TLL1: variants seen among roughly 807,000 people sequenced by gnomAD.
The protein encoded by TLL1 is tolloid-like protein 1.
In TLL1, 49 loss-of-function variants were observed where a neutral mutation model predicts 128.2. The ratio of observed to expected loss-of-function variants is 0.38; its 90% CI spans 0.30 to 0.48. The LOEUF is 0.48. Ranked by LOEUF, TLL1 falls within the 20% of genes least tolerant of loss-of-function variation. TLL1 has a pLI of 0.96. For synonymous variants in TLL1, 454 were observed against 418.8 expected (o/e 1.08, Z -1.03); for missense variants, 1,123 against 1,242.0 (o/e 0.90, Z 1.44).
chr4:165,875,377 G>A (rs767094698), intron 1 of TLL1, among the ~76,000 whole-genome samples: 2 of 152,132 alleles, frequency 1.3e-5, no homozygotes, highest in African/African-American at 4.8e-5. Flanking sequence ...GACAAAAAGG[G>A]TATGTGTGTT....
chr4:165,896,745 A>G (rs1022223989), intron 1 of TLL1, among the ~76,000 whole-genome samples: 2 of 152,070 alleles, frequency 1.3e-5, no homozygotes, highest in Non-Finnish European at 2.9e-5. Context: ...GGCATCCCCA[A>G]GTGCTGGCAT....
chr4:165,885,631 T>C (rs1229902114), intron 1 of TLL1, among the ~76,000 whole-genome samples: 2 of 152,062 alleles, frequency 1.3e-5, no homozygotes, highest in Admixed American at 6.6e-5. Context: ...TAGCAAGGTA[T>C]GTGAGAATAG....
chr4:165,895,787 C>T (rs1368314118), intron 1 of TLL1, among the ~76,000 whole-genome samples: 1 of 151,824 alleles, frequency 6.6e-6, no homozygotes, highest in Non-Finnish European at 1.5e-5. Flanking sequence ...TTTACAGCTA[C>T]AGTACTCAAG....
chr4:166,057,437 C>T, intron 14 of TLL1, 128 bp downstream of exon 14: 3 of 1,364,466 alleles, frequency 2.2e-6, no homozygotes, highest in South Asian at 2.5e-5. Flanking sequence ...ATTAGTAAGA[C>T]TCAATTCACA....
chr4:166,008,407 G>A (rs992748103), intron 7 of TLL1, among the ~76,000 whole-genome samples: 1 of 151,384 alleles, frequency 6.6e-6, no homozygotes, highest in Admixed American at 6.6e-5. Flanking sequence ...ATGAAAATTG[G>A]ATATTTATAA....
rs953558446 is a variant in TLL1 at position 165,986,834 on chromosome 4, T to C, written c.170-2547T>C. ...TTACAAGAAAATAAAATCTGAAACA[T>C]ATTTGAATTTTATTTTATGTGTACT... On this transcript the variant is annotated intron_variant, in intron 1 of 20. Transcript: ENST00000061240. 3.9e-5 allele frequency among the ~76,000 whole-genome samples: 6 copies of C among 152,000 alleles called. No individual in the cohort carries two copies. In the East Asian group the frequency reaches 1.2e-3, roughly 29 times the overall value.
At chr4:166,067,749 G>A (rs1344153628) in intron 16 of TLL1, among the ~76,000 whole-genome samples, 1 of 151,682 alleles carries the variant, frequency 6.6e-6, no homozygotes, top group African/African-American at 2.4e-5. Flanking sequence ...TGGAGTATAA[G>A]CAGTTAACTA....
chr4:165,976,338 G>T (rs13129357), intron 1 of TLL1, among the ~76,000 whole-genome samples: 17,244 of 152,144 alleles, frequency 0.11, 1,139 homozygotes, highest in Non-Finnish European at 0.16. Context: ...GTTAATATTT[G>T]TTAAAGAAAT....
chr4:166,090,203 A>G (rs1741695700), intron 18 of TLL1, among the ~76,000 whole-genome samples: 1 of 23,886 alleles, frequency 4.2e-5, no homozygotes. Flanking sequence ...GTTTTCTTCT[A>G]TAGACTTAAG....
intron 1 of TLL1, among the ~76,000 whole-genome samples, chr4:165,911,552 C>G (rs141886274): frequency 1.6e-4 from 24 of 152,194 alleles, no homozygotes; most frequent in African/African-American, 5.8e-4. Context: ...TAAACGACTT[C>G]CTTGATATAG....
chr4:165,965,504 T>G (rs1735323548), intron 1 of TLL1, among the ~76,000 whole-genome samples: 1 of 152,194 alleles, frequency 6.6e-6, no homozygotes, highest in South Asian at 2.1e-4. Context: ...TAGCACAGTA[T>G]TTTTAATAAG....
At chr4:166,050,191 A>G (rs1182160891) in intron 12 of TLL1, among the ~76,000 whole-genome samples, 2 of 152,128 alleles carry the variant, frequency 1.3e-5, no homozygotes, top group Admixed American at 1.3e-4. Context: ...CATCACACAA[A>G]AACACCCTAT....
At chr4:166,075,079 G>A in intron 17 of TLL1, 76 bp downstream of exon 17, 1 of 1,586,870 alleles carries the variant, frequency 6.3e-7, no homozygotes, top group Non-Finnish European at 8.6e-7. Flanking sequence ...CTTCCAAGTA[G>A]AGTTAATCAT....
At chr4:165,901,742 C>A (rs1008956165) in intron 1 of TLL1, among the ~76,000 whole-genome samples, 14 of 152,168 alleles carry the variant, frequency 9.2e-5, no homozygotes, top group Non-Finnish European at 1.6e-4. Context: ...CTTGAGGAGG[C>A]AGTCTGTTCC....
intron 1 of TLL1, among the ~76,000 whole-genome samples, chr4:165,955,269 C>A (rs1417919705): frequency 6.6e-6 from 1 of 151,676 alleles, no homozygotes; most frequent in African/African-American, 2.4e-5. Flanking sequence ...ATAAAATGAA[C>A]AAAATCTCCA....
Position 166,103,185 on chromosome 4 carries a change from T to C in TLL1, c.*2309T>C, listed in dbSNP as rs1354044787. On this transcript the variant is annotated 3_prime_UTR_variant, in exon 21 of 21. Transcript: ENST00000061240. ...GCCTCTGCTTGTTCTACAAAGGTAG[T>C]AGAATCAATCTCGACCTATATAAAT... The C allele has an allele frequency of 1.3e-5, 2 of 152,010 alleles. No homozygotes were observed. Among genetic ancestry groups the C allele is most frequent in the East Asian group, 1.9e-4 (1 of 5,154 alleles). The allele number at this position is 152,010 out of a possible 1,614,324, so 9.4% of individuals were successfully genotyped here. A position where few individuals can be genotyped will look rare whatever the true frequency, so the allele number is the denominator to read the frequency against.
chr4:165,906,192 T>C (rs1052401867), intron 1 of TLL1, among the ~76,000 whole-genome samples: 1 of 152,242 alleles, frequency 6.6e-6, no homozygotes, highest in Non-Finnish European at 1.5e-5. Flanking sequence ...TGTGAGCCTC[T>C]AGAAAGCCTG....
At chr4:166,009,409 A>T (rs1489125564) in intron 7 of TLL1, among the ~76,000 whole-genome samples, 1 of 151,488 alleles carries the variant, frequency 6.6e-6, no homozygotes, top group East Asian at 1.9e-4. Context: ...TTCACAGATG[A>T]TAAATCTTTA....
chr4:165,873,674 C>G lies in TLL1; in HGVS notation c.-231C>G, dbSNP rs2110794255. On this transcript the variant is annotated 5_prime_UTR_variant, in exon 1 of 21. Transcript: ENST00000061240. ...AGTTCCTTACCTGCCCTCCGCCCAC[C>G]CGTGGGCCCCTAGCCAACTTCTCCC... is the stretch of plus-strand genomic sequence containing the variant. 1 of 526,260 alleles carries G rather than the reference C, an allele frequency of 1.9e-6. No individual in the cohort carries two copies. The highest frequency in any genetic ancestry group is 3.1e-5 in the East Asian group (1 of 31,908). 32.6% of individuals were successfully genotyped at this position (526,260 alleles called of 1,614,324 possible). A position where few individuals can be genotyped will look rare whatever the true frequency, so the allele number is the denominator to read the frequency against.
Sources: allele counts gnomAD v4.1 joint callset (sites outside exome capture counted in the v4.1 genomes callset), GRCh38; gene constraint gnomAD v4.1.1; transcripts MANE v1.5; gene names NCBI Gene and HGNC (gene_info 2026-07-23, HGNC 2026-07-21).